TLCD4: variants seen among roughly 807,000 people sequenced by gnomAD.
TLCD4 encodes TLC domain-containing protein 4.
In TLCD4, 7 loss-of-function variants were observed where a neutral mutation model predicts 24.2. The observed-to-expected ratio is 0.29, with a 90% CI of 0.16 to 0.54. TLCD4 has a LOEUF of 0.54. Among genes scored for constraint, TLCD4 ranks in the 20% least tolerant of loss-of-function variants. The pLI, the probability that TLCD4 is intolerant of heterozygous loss-of-function variation, is 0.95. For synonymous variants in TLCD4, 103 were observed against 106.4 expected (o/e 0.97, Z 0.20); for missense variants, 259 against 313.9 (o/e 0.82, Z 1.32).
chr1:95,141,577 A>T (rs80257143), intron 1 of TLCD4, among the ~76,000 whole-genome samples: 4,475 of 152,212 alleles, frequency 0.029, 117 homozygotes, highest in East Asian at 0.094. Flanking sequence ...GAAAAGCATT[A>T]TTCTCCTTAC....
Position 95,123,014 on chromosome 1 carries a change from C to T in TLCD4, c.-12+5397C>T, listed in dbSNP as rs934552096. On this transcript the variant is annotated intron_variant, in intron 1 of 6. Transcript: ENST00000370203. ...AGAGAAATAGGGTCTCACTGTGTTG[C>T]CCCAGGCTGGTCTTGAACTCCTGGG... Among the ~76,000 whole-genome samples, 3 of 151,728 alleles carry T rather than the reference C, an allele frequency of 2.0e-5. No homozygotes were observed. In the East Asian group the frequency reaches 5.8e-4, roughly 29 times the overall value.
chr1:95,190,517 C>T (rs975791420), intron 6 of TLCD4, among the ~76,000 whole-genome samples: 9 of 152,036 alleles, frequency 5.9e-5, no homozygotes, highest in Admixed American at 2.0e-4. Context: ...TTAGTAGAGA[C>T]GGGGTTTCAC....
chr1:95,114,745 G>A (rs1179007548), upstream of TLCD4, among the ~76,000 whole-genome samples: 2 of 151,762 alleles, frequency 1.3e-5, no homozygotes, highest in African/African-American at 4.8e-5. Context: ...CACGAGATCT[G>A]AAACTGGAAG....
intron 6 of TLCD4, among the ~76,000 whole-genome samples, chr1:95,186,734 T>C (rs1678843024): frequency 6.6e-6 from 1 of 152,238 alleles, no homozygotes; most frequent in Non-Finnish European, 1.5e-5. Context: ...GCTTTAGTGA[T>C]GTTTTTCCTA....
intron 6 of TLCD4, among the ~76,000 whole-genome samples, chr1:95,183,604 C>T (rs543367680): frequency 2.4e-4 from 37 of 152,154 alleles, no homozygotes; most frequent in African/African-American, 8.4e-4. Flanking sequence ...TTTGGGAGGC[C>T]GAGGCGAGCA....
chr1:95,168,591 G>A (rs1414899), intron 5 of TLCD4, among the ~76,000 whole-genome samples: 49,693 of 130,704 alleles, frequency 0.38, 11,248 homozygotes, highest in East Asian at 0.61. Context: ...TTTAAGAGAC[G>A]GGGTCTCACT....
In TLCD4 at chr1:95,193,610, A is replaced by G. The variant is rs557798321; in HGVS notation, c.*1742A>G. On this transcript the variant is annotated 3_prime_UTR_variant, in exon 7 of 7. Transcript: ENST00000370203. ...TGATTTGATTTGCTTTTATTATTCA[A>G]TGCAGATAGAGCCTGATAAGTTTTA... 9.9e-5 allele frequency: 15 copies of G among 152,240 alleles called. No individual in the cohort carries two copies. Among genetic ancestry groups the G allele is most frequent in the East Asian group, 3.9e-4 (2 of 5,192 alleles). The allele number at this position is 152,240 out of a possible 1,614,324, so 9.4% of individuals were successfully genotyped here. A position where few individuals can be genotyped will look rare whatever the true frequency, so the allele number is the denominator to read the frequency against.
Position 95,192,216 on chromosome 1 carries a change from T to C in TLCD4, c.*348T>C, listed in dbSNP as rs1679050441. 1.0e-5 allele frequency: 2 copies of C among 196,736 alleles called. No homozygotes were observed. The highest frequency in any genetic ancestry group is 4.8e-5 in the African/African-American group (2 of 42,104). The allele number at this position is 196,736 out of a possible 1,614,324, so 12.2% of individuals were successfully genotyped here. A position where few individuals can be genotyped will look rare whatever the true frequency, so the allele number is the denominator to read the frequency against. ...CGGGAGGCTGAGGCAGGAGAATCGC[T>C]TGAACCCGAGAGACGGAGGTTGCAG... On this transcript the variant is annotated 3_prime_UTR_variant, in exon 7 of 7. Transcript: ENST00000370203.
chr1:95,171,996 C>T (rs1307663836), intron 5 of TLCD4, among the ~76,000 whole-genome samples: 1 of 152,140 alleles, frequency 6.6e-6, no homozygotes, highest in African/African-American at 2.4e-5. Context: ...GATAATGCCA[C>T]GTGGAGACTG....
At chr1:95,099,053 CAAAAAAAA>C in the TLCD4 span, among the ~76,000 whole-genome samples, 4 of 70,656 alleles carry the variant, frequency 5.7e-5, no homozygotes, top group African/African-American at 1.1e-4. Context: ...AACTCTGTCT[CAAAAAAAA>C]AAAAAAAAAA....
chr1:95,170,132 A>G (rs948368097), intron 5 of TLCD4, among the ~76,000 whole-genome samples: 1 of 152,146 alleles, frequency 6.6e-6, no homozygotes, highest in East Asian at 1.9e-4. Context: ...AGAATGCCAT[A>G]GACTTAGAAC....
intron 6 of TLCD4, among the ~76,000 whole-genome samples, chr1:95,180,584 A>G (rs978740034): frequency 6.6e-6 from 1 of 152,184 alleles, no homozygotes; most frequent in African/African-American, 2.4e-5. Flanking sequence ...AAAAATACTG[A>G]ATTAGTTTAG....
At chr1:95,095,001 G>A in the TLCD4 span, among the ~76,000 whole-genome samples, 7 of 152,168 alleles carry the variant, frequency 4.6e-5, no homozygotes, top group African/African-American at 1.7e-4. Flanking sequence ...CTCTTCTAAT[G>A]TGACCTTGAA....
At chr1:95,131,254 C>T (rs1289592594) in intron 1 of TLCD4, among the ~76,000 whole-genome samples, 1 of 152,064 alleles carries the variant, frequency 6.6e-6, no homozygotes, top group Non-Finnish European at 1.5e-5. Flanking sequence ...GGGGAATTAA[C>T]CTGTTGACAG....
At chr1:95,170,228 A>G (rs942884452) in intron 5 of TLCD4, among the ~76,000 whole-genome samples, 4 of 152,026 alleles carry the variant, frequency 2.6e-5, no homozygotes, top group African/African-American at 7.2e-5. Flanking sequence ...GAGAGAAATT[A>G]TCCTTAAGGA....
chr1:95,192,095 A>C lies in TLCD4; in HGVS notation c.*227A>C. ...GTCGATCACTGAGGTCAGGAGTTCG[A>C]GACTAGCTTGGCCAACATGGTGAAA... On this transcript the variant is annotated 3_prime_UTR_variant, in exon 7 of 7. Coordinates refer to ENST00000370203, the MANE Select transcript of TLCD4 (RefSeq NM_152487.3). 1.1e-6 allele frequency: 1 copy of C among 943,244 alleles called. No homozygotes were observed. The highest frequency in any genetic ancestry group is 1.4e-6 in the Non-Finnish European group (1 of 700,074). The allele number at this position is 943,244 out of a possible 1,614,324, so 58.4% of individuals were successfully genotyped here.
intron 1 of TLCD4, among the ~76,000 whole-genome samples, chr1:95,139,132 G>GCCACTGCACT: frequency 1.4e-5 from 2 of 142,808 alleles, no homozygotes; most frequent in South Asian, 4.4e-4. Flanking sequence ...CTATGATTGT[G>GCCACTGCACT]CCACTGCACT....
intron 1 of TLCD4, among the ~76,000 whole-genome samples, chr1:95,139,037 A>C (rs1263175641): frequency 6.6e-6 from 1 of 150,786 alleles, no homozygotes; most frequent in Non-Finnish European, 1.5e-5. Flanking sequence ...AAAAAAAAAA[A>C]AAAAAAATGA....
chr1:95,126,730 TC>T (rs1034845663), intron 1 of TLCD4, among the ~76,000 whole-genome samples: 1 of 152,192 alleles, frequency 6.6e-6, no homozygotes, highest in Non-Finnish European at 1.5e-5. Flanking sequence ...CATTGTGGCC[TC>T]TATCTACCAT....
Sources: gnomAD v4.1 joint callset for allele counts (sites outside exome capture counted in the v4.1 genomes callset) on GRCh38, gnomAD v4.1.1 for gene constraint, MANE v1.5 for transcripts, NCBI Gene and HGNC (gene_info 2026-07-23, HGNC 2026-07-21) for gene names.